The following CREG2 variants were observed in gnomAD, a reference collection of about 807,000 sequenced individuals.
The protein encoded by CREG2 is protein CREG2.
In CREG2, 24 loss-of-function variants were observed where a neutral mutation model predicts 26.2. That is an observed-to-expected ratio of 0.92 (90% CI 0.66 to 1.29). The LOEUF is 1.29. Among genes scored for constraint, CREG2 ranks in the 50% most tolerant of loss-of-function variants. The pLI is 0.00. For missense variants in CREG2, 366 were observed against 398.6 expected (o/e 0.92, Z 0.70); for synonymous variants, 174 against 169.2 (o/e 1.03, Z -0.22).
chr2:101,367,130 G>T (rs1422849978), intron 2 of CREG2, among the ~76,000 whole-genome samples: 1 of 152,018 alleles, frequency 6.6e-6, no homozygotes, highest in Non-Finnish European at 1.5e-5. Flanking sequence ...CTCATCTTGG[G>T]TTAGAATTTT....
chr2:101,360,669 CG>C (rs1420650937), intron 2 of CREG2, among the ~76,000 whole-genome samples: 4 of 150,736 alleles, frequency 2.7e-5, no homozygotes, highest in African/African-American at 7.3e-5. Flanking sequence ...ACCTGGGAGA[CG>C]GAAGTTGCAG....
intron 2 of CREG2, among the ~76,000 whole-genome samples, chr2:101,359,252 C>T (rs192790743): frequency 6.6e-6 from 1 of 152,304 alleles, no homozygotes; most frequent in East Asian, 1.9e-4. Context: ...TGGGGCCTTG[C>T]ATCCCTTCTC....
chr2:101,351,233 C>T lies in CREG2; in HGVS notation c.726-163G>A, dbSNP rs187111304. ...GCTGAGTGTCAGTGCCTGGGACCAC[C>T]GTAGGAAGCCAGGGACTGTAGACCT... On this transcript the variant is annotated intron_variant, in intron 3 of 3. Coordinates refer to ENST00000324768, the MANE Select transcript of CREG2 (RefSeq NM_153836.4). Among the ~76,000 whole-genome samples the T allele has an allele frequency of 3.9e-5, 6 of 152,234 alleles. No homozygotes were observed. The East Asian group carries it at 9.7e-4, about 25-fold the overall frequency.
At chr2:101,371,264 A>G (rs1000996974) in intron 2 of CREG2, among the ~76,000 whole-genome samples, 2 of 152,080 alleles carry the variant, frequency 1.3e-5, no homozygotes, top group African/African-American at 4.8e-5. Flanking sequence ...CTATGGAGTG[A>G]CGCCCTCCCT....
rs767244146 is a variant in CREG2, at chr2:101,355,333, A to G, written c.645T>C (p.Cys215=). 1 of 1,613,966 alleles carries G rather than the reference A, an allele frequency of 6.2e-7. No homozygotes were observed. The highest frequency in any genetic ancestry group is 1.1e-5 in the South Asian group (1 of 91,076). Residue 215 remains cysteine, a synonymous_variant, in exon 3 of 4, where the codon TGT becomes TGC. Transcript: ENST00000324768. The part of the protein sequence containing the change: ...KNIVDPEDPR[C]VQLTLTGQMI... Reference sequence around the variant, plus strand: ...TCTGGCCAGTGAGCGTTAACTGGACACATCGGGGATCTTCCGGATCAACGA... The same window carrying G: ...TCTGGCCAGTGAGCGTTAACTGGACGCATCGGGGATCTTCCGGATCAACGA...
intron 2 of CREG2, 52 bp downstream of exon 2, chr2:101,383,481 T>C: frequency 6.3e-7 from 1 of 1,593,444 alleles, no homozygotes; most frequent in Non-Finnish European, 8.6e-7. Context: ...CCCCCAACTC[T>C]CTGTCAAAAA....
intron 2 of CREG2, chr2:101,382,479 A>G (rs1684891994): frequency 8.1e-6 from 8 of 982,092 alleles, no homozygotes; most frequent in South Asian, 9.4e-5. Flanking sequence ...CTGGAAATGT[A>G]CTTCTAGTAA....
At chr2:101,364,258 C>T (rs74687152) in intron 2 of CREG2, among the ~76,000 whole-genome samples, 1,854 of 152,290 alleles carry the variant, frequency 0.012, 29 homozygotes, top group African/African-American at 0.042. Context: ...AACCTTGGCA[C>T]GGTTGACATT....
At chr2:101,367,958 A>G (rs1684643960) in intron 2 of CREG2, among the ~76,000 whole-genome samples, 2 of 152,204 alleles carry the variant, frequency 1.3e-5, no homozygotes, top group South Asian at 4.1e-4. Flanking sequence ...TAGCTTTGTG[A>G]GACTCATTTC....
intron 2 of CREG2, among the ~76,000 whole-genome samples, chr2:101,359,201 C>G (rs62156066): frequency 0.13 from 20,294 of 152,114 alleles, 1,591 homozygotes; most frequent in East Asian, 0.23. Context: ...CAAGTGCATG[C>G]TTTGACCTTT....
chr2:101,387,308 C>T lies in CREG2; in HGVS notation c.150G>A (p.Leu50=), dbSNP rs962909967. 2.0e-5 allele frequency: 30 copies of T among 1,495,398 alleles called. No homozygotes were observed. The highest frequency in any genetic ancestry group is 2.6e-5 in the Non-Finnish European group (29 of 1,116,500). 92.6% of individuals were successfully genotyped at this position (1,495,398 alleles called of 1,614,324 possible). A position where few individuals can be genotyped will look rare whatever the true frequency, so the allele number is the denominator to read the frequency against. Residue 50 remains leucine (L), a synonymous_variant, in exon 1 of 4, where the codon CTG becomes CTA. Transcript: ENST00000324768. This position sits in a 1 kb window ranked among gnomAD's most constrained non-coding sequence, Gnocchi z 4.7. ...WAVTNEVDEE[L]DSASTEEAMP... is the part of the protein sequence containing the mutation. ...TAGCCTCCTCAGTGGAGGCGCTGTCCAGCTCCTCGTCCACCTCGTTGGTGA... is the reference window on the plus strand; with the variant it reads ...TAGCCTCCTCAGTGGAGGCGCTGTCTAGCTCCTCGTCCACCTCGTTGGTGA...
Position 101,383,719 on chromosome 2 carries a change from A to G in CREG2, c.442-17T>C. On this transcript the variant is annotated splice_polypyrimidine_tract_variant and intron_variant, in intron 1 of 3. Coordinates refer to ENST00000324768, the MANE Select transcript of CREG2 (RefSeq NM_153836.4). The stretch of plus-strand genomic sequence containing the variant: ...TCCTTGGATCTAACAAACACCAAAA[A>G]AGGCTTTTTCAGTGCAGAGCTGTGG... 3 of 1,581,148 alleles carry G rather than the reference A, an allele frequency of 1.9e-6. No individual in the cohort carries two copies. Among genetic ancestry groups the G allele is most frequent in the Non-Finnish European group, 2.6e-6 (3 of 1,164,014 alleles).
rs573880816 is a variant in CREG2 at position 101,382,934 on chromosome 2, T to C, written c.611+599A>G. The C allele has an allele frequency of 1.6e-5, 16 of 985,736 alleles. No individual in the cohort carries two copies. The South Asian group carries it at 7.5e-4, about 46-fold the overall frequency. 61.1% of individuals were successfully genotyped at this position (985,736 alleles called of 1,614,324 possible). On this transcript the variant is annotated intron_variant, in intron 2 of 3. Transcript: ENST00000324768. Reference sequence around the variant, plus strand: ...CCATGCAGACATTTCCCGGGGAGGATGCGAGTTCAGGCTTTGCATTTTGAA... The same window carrying C: ...CCATGCAGACATTTCCCGGGGAGGACGCGAGTTCAGGCTTTGCATTTTGAA...
chr2:101,366,903 GGT>G (rs1484664422), intron 2 of CREG2, among the ~76,000 whole-genome samples: 18 of 152,176 alleles, frequency 1.2e-4, no homozygotes, highest in African/African-American at 4.3e-4. Context: ...AATTGTACTA[GGT>G]ATTATAAGTA....
At chr2:101,377,835 T>C (rs936563269) in intron 2 of CREG2, among the ~76,000 whole-genome samples, 1 of 152,220 alleles carries the variant, frequency 6.6e-6, no homozygotes, top group Non-Finnish European at 1.5e-5. Context: ...CAAGACATGT[T>C]GGTAGGCTCC....
At chr2:101,370,191 T>A (rs980922236) in intron 2 of CREG2, among the ~76,000 whole-genome samples, 2 of 152,206 alleles carry the variant, frequency 1.3e-5, no homozygotes, top group African/African-American at 4.8e-5. Flanking sequence ...GGGACTCTTA[T>A]AAGAATCAGG....
intron 2 of CREG2, among the ~76,000 whole-genome samples, chr2:101,365,182 G>A (rs1189310841): frequency 6.6e-6 from 1 of 152,184 alleles, no homozygotes; most frequent in Non-Finnish European, 1.5e-5. Flanking sequence ...TTTTATTCCT[G>A]TTCCCTAGGG....
rs952161819 is a variant in CREG2 at position 101,348,363 on chromosome 2, A to G, written c.*2560T>C. The G allele has an allele frequency of 3.9e-5, 6 of 152,354 alleles. No individual in the cohort carries two copies. The highest frequency in any genetic ancestry group is 1.4e-4 in the African/African-American group (6 of 41,588). The allele number at this position is 152,354 out of a possible 1,614,324, so 9.4% of individuals were successfully genotyped here. On this transcript the variant is annotated 3_prime_UTR_variant, in exon 4 of 4. Coordinates refer to ENST00000324768, the MANE Select transcript of CREG2 (RefSeq NM_153836.4). ...TTGTTGAGATTTTGATAGGAATTGCATTAAACCTAGAGATGGAGATGGGGA... is the reference window on the plus strand; with the variant it reads ...TTGTTGAGATTTTGATAGGAATTGCGTTAAACCTAGAGATGGAGATGGGGA...
intron 1 of CREG2, among the ~76,000 whole-genome samples, chr2:101,385,630 G>A (rs984697086): frequency 2.0e-5 from 3 of 152,288 alleles, no homozygotes; most frequent in African/African-American, 4.8e-5. Context: ...CATGATAATG[G>A]TGTGTAGAAT....
Sources: gnomAD v4.1 joint callset for allele counts (sites outside exome capture counted in the v4.1 genomes callset) on GRCh38, gnomAD v4.1.1 for gene constraint, Gnocchi (gnomAD v3.1) non-coding constraint, MANE v1.5 for transcripts, NCBI Gene and HGNC (gene_info 2026-07-23, HGNC 2026-07-21) for gene names.